The following DCHS1 variants were observed in gnomAD, a reference collection of about 807,000 sequenced individuals.
The protein encoded by DCHS1 is protocadherin-16.
Under a neutral mutation model 213.9 loss-of-function variants are expected in DCHS1, and 78 were observed. The ratio of observed to expected loss-of-function variants is 0.36; its 90% confidence interval spans 0.30 to 0.44. The LOEUF is 0.44. Among genes scored for constraint, DCHS1 ranks in the 20% least tolerant of loss-of-function variants. The pLI is 1.00. For synonymous variants in DCHS1, 1,828 were observed against 1,873.7 expected (o/e 0.98, Z 0.63); for missense variants, 3,946 against 4,395.9 (o/e 0.90, Z 2.89).
rs1275161291 is a variant in DCHS1 at position 6,622,649 on chromosome 11, G to C, written c.9027C>G (p.Ser3009Arg). 1 of 1,591,010 alleles carries C rather than the reference G, an allele frequency of 6.3e-7. No homozygotes were observed. ...GTCCTCCAGCTCCTGGCCCACCATA[G>C]CTGGGAAGAGTCTGGTGATAGAGGT... ...SEHLYHQTLP[S>R]YGGPGAGGPY... Residue 3009 changes from serine to arginine, a missense_variant, in exon 21 of 21, where the codon AGC (serine) becomes AGG (arginine). By Grantham distance (110) the Ser-to-Arg change is moderately radical. Coordinates refer to ENST00000299441, the MANE Select transcript of DCHS1 (RefSeq NM_003737.4). The surrounding 1 kb of genome is among the most constrained non-coding windows in gnomAD (Gnocchi z 5.4).
chr11:6,647,307 G>GA (rs781340447), intron 1 of DCHS1, among the ~76,000 whole-genome samples: 19 of 152,120 alleles, frequency 1.2e-4, no homozygotes, highest in Non-Finnish European at 2.4e-4. Flanking sequence ...GTTGAGGCAG[G>GA]AACAGCCACA....
In DCHS1 at chr11:6,633,348, G is replaced by A. The variant is rs954606793; in HGVS notation, c.2455+64C>T. ...TGATACTCTAAGGTATCTTCGGATG[G>A]TGCTGGAGGGTTATACTGGGGTATT... On this transcript the variant is annotated intron_variant, in intron 5 of 20. Coordinates refer to ENST00000299441, the MANE Select transcript of DCHS1 (RefSeq NM_003737.4). The A allele has an allele frequency of 1.1e-5, 16 of 1,466,940 alleles. No individual in the cohort carries two copies. The Admixed American group carries it at 3.2e-4, about 30-fold the overall frequency. The allele number at this position is 1,466,940 out of a possible 1,614,324, so 90.9% of individuals were successfully genotyped here. A position where few individuals can be genotyped will look rare whatever the true frequency, so the allele number is the denominator to read the frequency against.
At position 6,632,366 on chromosome 11, in the gene DCHS1, G is replaced by A; in HGVS notation, c.3146C>T (p.Pro1049Leu). 6.2e-7 allele frequency: 1 copy of A among 1,613,930 alleles called. No homozygotes were observed. Among genetic ancestry groups the A allele is most frequent in the East Asian group, 2.2e-5 (1 of 44,888 alleles). Residue 1049 changes from proline to leucine, a missense_variant, in exon 6 of 21, where the codon CCA becomes CTA. Transcript: ENST00000299441. This position sits in a 1 kb window ranked among gnomAD's most constrained non-coding sequence, Gnocchi z 5.9. ...CCGCACCCATAGCCACCCACTCTGT[G>A]GCTCCAGGCCAAAGGGGCTACTTGC... ...EGASSPFGLE[P>L]QSGWLWVRAA...
intron 1 of DCHS1, among the ~76,000 whole-genome samples, chr11:6,647,144 G>A (rs145116873): frequency 7.0e-4 from 106 of 152,300 alleles, no homozygotes; most frequent in African/African-American, 2.5e-3. Flanking sequence ...TAGCCTCAGT[G>A]AGCAAAGGGG....
Position 6,640,080 on chromosome 11 carries a change from G to A in DCHS1, c.1534C>T (p.Leu512=). The change falls in exon 2 of 21, where the codon CTA becomes TTA. Residue 512 remains leucine (L), a synonymous_variant. Transcript: ENST00000299441. This position sits in a 1 kb window ranked among gnomAD's most constrained non-coding sequence, Gnocchi z 6.5. ...QGTNGQVTYS[L]APGAHTHWFS... ...CAGTGGGTGTGGGCGCCAGGGGCTA[G>A]GCTATAAGTGACCTGACCATTGGTG... The A allele has an allele frequency of 1.2e-6, 2 of 1,613,910 alleles. No homozygotes were observed. Among genetic ancestry groups the A allele is most frequent in the South Asian group, 1.1e-5 (1 of 91,082 alleles).
chr11:6,640,355 A>G lies in DCHS1; in HGVS notation c.1259T>C (p.Val420Ala). 1 of 1,613,032 alleles carries G rather than the reference A, an allele frequency of 6.2e-7. No homozygotes were observed. The highest frequency in any genetic ancestry group is 8.5e-7 in the Non-Finnish European group (1 of 1,179,432). Residue 420 changes from valine to alanine, a missense_variant, in exon 2 of 21, where the codon GTC (valine) becomes GCC (alanine). Transcript: ENST00000299441. The surrounding 1 kb of genome is among the most constrained non-coding windows in gnomAD (Gnocchi z 6.5). ...CCGAGCCACACACACCAGATAGATG[A>G]CGCTGTCTTGGGTGCTTAGGGCAAA... The part of the protein sequence containing the change: ...GHFALSTQDS[V>A]IYLVCVARRL...
rs201800543 is a variant in DCHS1, at chr11:6,640,808, G to A, written c.806C>T (p.Ala269Val). 1.2e-5 allele frequency: 19 copies of A among 1,613,944 alleles called. No individual in the cohort carries two copies. Among genetic ancestry groups the A allele is most frequent in the Non-Finnish European group, 1.6e-5 (19 of 1,179,912 alleles). ...RYHAVVSESL[A>V]PGSPVLQVFA... ...CACCTGCAAGACAGGACTGCCAGGG[G>A]CCAGGCTCTCAGACACCACAGCATG... Residue 269 changes from alanine (A) to valine (V), a missense_variant, in exon 2 of 21, where the codon GCC becomes GTC. This residue lies in a region of DCHS1 where 3,384 missense variants were observed against 3,780.1 expected (regional missense o/e 0.90). Coordinates refer to ENST00000299441, the MANE Select transcript of DCHS1 (RefSeq NM_003737.4). This position sits in a 1 kb window ranked among gnomAD's most constrained non-coding sequence, Gnocchi z 6.5.
At position 6,630,491 on chromosome 11, in the gene DCHS1, C is replaced by T. The variant is rs781099697; in HGVS notation, c.4303G>A (p.Ala1435Thr). 32 of 1,535,938 alleles carry T rather than the reference C, an allele frequency of 2.1e-5. 1 individual carries two copies. In the South Asian group the frequency reaches 3.3e-4, roughly 16 times the overall value. The change falls in exon 10 of 21, where the codon GCC (alanine) becomes ACC (threonine). Residue 1435 changes from alanine to threonine, a missense_variant. By Grantham distance (58) the Ala-to-Thr change is moderately conservative. Coordinates refer to ENST00000299441, the MANE Select transcript of DCHS1 (RefSeq NM_003737.4). ...QVQDENEHAP[A>T]FARDPLALAL... ...AGCGCCAGCGGGTCGCGCGCAAAGGCGGGCGCATGCTCATTCTCGTCCTGC... is the reference window on the plus strand; with the variant it reads ...AGCGCCAGCGGGTCGCGCGCAAAGGTGGGCGCATGCTCATTCTCGTCCTGC...
At position 6,623,550 on chromosome 11, in the gene DCHS1, T is replaced by A. The variant is rs1446849911; in HGVS notation, c.8126A>T (p.Asn2709Ile). The change falls in exon 21 of 21, where the codon AAC becomes ATC. Residue 2709 changes from asparagine (N) to isoleucine (I), a missense_variant. Transcript: ENST00000299441. ...CTCGGCCACGCTGGTGCTGAGTAAG[T>A]TCAGTGGGAAGGCTGGGCCATGATC... ...VNDHGPAFPL[N>I]LLSTSVAENQ... 5 of 1,612,382 alleles carry A rather than the reference T, an allele frequency of 3.1e-6. No homozygotes were observed. The highest frequency in any genetic ancestry group is 3.4e-6 in the Non-Finnish European group (4 of 1,179,350).
At position 6,633,784 on chromosome 11, in the gene DCHS1, C is replaced by T. The variant is rs773430627; in HGVS notation, c.2218+5G>A. 6.2e-7 allele frequency: 1 copy of T among 1,612,520 alleles called. No individual in the cohort carries two copies. Among genetic ancestry groups the T allele is most frequent in the East Asian group, 2.2e-5 (1 of 44,882 alleles). On this transcript the variant is annotated splice_donor_5th_base_variant and intron_variant, in intron 4 of 20. Coordinates refer to ENST00000299441, the MANE Select transcript of DCHS1 (RefSeq NM_003737.4). ...GGAAGGCCCCGGGAATGGGAGGATCCTCACCTGATTGCTCATCCAAGGTAA... is the reference window on the plus strand; with the variant it reads ...GGAAGGCCCCGGGAATGGGAGGATCTTCACCTGATTGCTCATCCAAGGTAA...
Position 6,640,699 on chromosome 11 carries a change from G to A in DCHS1, c.915C>T (p.Phe305=). Residue 305 remains phenylalanine, a synonymous_variant, in exon 2 of 21, where the codon TTC becomes TTT. Coordinates refer to ENST00000299441, the MANE Select transcript of DCHS1 (RefSeq NM_003737.4). The surrounding 1 kb of genome is among the most constrained non-coding windows in gnomAD (Gnocchi z 6.5). ...GCAGCCCCGTGTGTGCGTCGATGGA[G>A]AAGGGTCCATCACCCTCGCTCTGCC... ...NRRQSEGDGP[F]SIDAHTGLLQ... is the part of the protein sequence containing the mutation. 6.2e-7 allele frequency: 1 copy of A among 1,613,730 alleles called. No individual in the cohort carries two copies. The highest frequency in any genetic ancestry group is 1.1e-5 in the South Asian group (1 of 91,086).
At chr11:6,646,019 C>T (rs1191110705) in intron 1 of DCHS1, among the ~76,000 whole-genome samples, 1 of 152,060 alleles carries the variant, frequency 6.6e-6, no homozygotes. Flanking sequence ...TGGAACCCAC[C>T]CCCACACGTA....
rs1034518718 is a variant in DCHS1 at position 6,625,673 on chromosome 11, G to A, written c.6786C>T (p.Thr2262=). The A allele has an allele frequency of 1.9e-6, 3 of 1,613,096 alleles. No individual in the cohort carries two copies. Among genetic ancestry groups the A allele is most frequent in the Non-Finnish European group, 2.5e-6 (3 of 1,179,736 alleles). Residue 2262 remains threonine, a synonymous_variant, in exon 18 of 21, where the codon ACC becomes ACT. Transcript: ENST00000299441. The surrounding 1 kb of genome is among the most constrained non-coding windows in gnomAD (Gnocchi z 5.3). Reference sequence around the variant, plus strand: ...TGGTGTCGATGACCATCACCGTCAAGGTAGCTGAGCCCACCAGGGCTGGGC... The same window carrying A: ...TGGTGTCGATGACCATCACCGTCAAAGTAGCTGAGCCCACCAGGGCTGGGC... ...RGSPALVGSA[T]LTVMVIDTND...
At position 6,631,439 on chromosome 11, in the gene DCHS1, T is replaced by C. The variant is rs760830913; in HGVS notation, c.3676-32A>G. Reference sequence around the variant, plus strand: ...GAACACAACTCACCTAGTGAGTCTCTTTCCTGTTCTTCAGACAACTCAGGA... The same window carrying C: ...GAACACAACTCACCTAGTGAGTCTCCTTCCTGTTCTTCAGACAACTCAGGA... On this transcript the variant is annotated intron_variant, in intron 7 of 20. Transcript: ENST00000299441. 45 of 1,611,194 alleles carry C rather than the reference T, an allele frequency of 2.8e-5. No individual in the cohort carries two copies. The South Asian group carries it at 4.6e-4, about 17-fold the overall frequency.
At chr11:6,624,993 C>T in intron 19 of DCHS1, 125 bp from the exon 20 acceptor site, 1 of 1,447,418 alleles carries the variant, frequency 6.9e-7, no homozygotes, top group South Asian at 1.3e-5. Flanking sequence ...GCCCCTACTC[C>T]TAAGTATTCG....
intron 6 of DCHS1, 88 bp downstream of exon 6, chr11:6,631,943 G>A: frequency 3.4e-6 from 5 of 1,454,822 alleles, no homozygotes; most frequent in South Asian, 1.5e-5. Flanking sequence ...GGGGCGAGAT[G>A]GGAGCTGGGG....
chr11:6,638,831 T>G (rs1231753172), intron 2 of DCHS1, among the ~76,000 whole-genome samples: 1 of 152,168 alleles, frequency 6.6e-6, no homozygotes, highest in African/African-American at 2.4e-5. Flanking sequence ...TAAAGCCAGA[T>G]AGCTAACTTA....
Position 6,622,440 on chromosome 11 carries a change from G to A in DCHS1, c.9236C>T (p.Thr3079Ile), listed in dbSNP as rs1290412594. 13 of 1,558,676 alleles carry A rather than the reference G, an allele frequency of 8.3e-6. No homozygotes were observed. Among genetic ancestry groups the A allele is most frequent in the Non-Finnish European group, 1.1e-5 (13 of 1,150,900 alleles). The stretch of plus-strand genomic sequence containing the variant: ...GTCAGGGGCAGGTGGTTCGCAGGAT[G>A]TGTCACTCAGACCATCTGCATCCTG... ...IQQDADGLSDTSCEPPAPDTW... is the reference protein window; with the variant it reads ...IQQDADGLSDISCEPPAPDTW... Residue 3079 changes from threonine to isoleucine, a missense_variant, in exon 21 of 21, where the codon ACA becomes ATA. Physicochemically the swap from Thr to Ile is moderately conservative, Grantham distance 89 (BLOSUM62 -1). Around this residue, in one of 3 missense-constraint regions of DCHS1, gnomAD observed 554 missense variants for 590.2 expected, o/e 0.94. Coordinates refer to ENST00000299441, the MANE Select transcript of DCHS1 (RefSeq NM_003737.4). This position sits in a 1 kb window ranked among gnomAD's most constrained non-coding sequence, Gnocchi z 5.4.
At position 6,633,906 on chromosome 11, in the gene DCHS1, C is replaced by T; in HGVS notation, c.2101G>A (p.Gly701Ser). The T allele has an allele frequency of 1.2e-6, 2 of 1,614,020 alleles. No individual in the cohort carries two copies. Among genetic ancestry groups the T allele is most frequent in the Non-Finnish European group, 1.7e-6 (2 of 1,179,878 alleles). ...AASISAQSPP[G>S]TAVLRLRAHD... ...GCACGCAACCTCAGCACAGCTGTGCCTGGTGGACTCTGGGCACTTATACTG... is the reference window on the plus strand; with the variant it reads ...GCACGCAACCTCAGCACAGCTGTGCTTGGTGGACTCTGGGCACTTATACTG... The change falls in exon 4 of 21, where the codon GGC (glycine) becomes AGC (serine). Residue 701 changes from glycine (G) to serine (S), a missense_variant. By Grantham distance (56) the Gly-to-Ser change is moderately conservative. Coordinates refer to ENST00000299441, the MANE Select transcript of DCHS1 (RefSeq NM_003737.4).
Sources: gnomAD v4.1 joint callset for allele counts (sites outside exome capture counted in the v4.1 genomes callset) on GRCh38, gnomAD v4.1.1 for gene constraint, gnomAD v4.1.1 regional missense constraint, Gnocchi (gnomAD v3.1) non-coding constraint, MANE v1.5 for transcripts, NCBI Gene and HGNC (gene_info 2026-07-23, HGNC 2026-07-21) for gene names.